Variants in IL1RN observed in about 807,000 individuals in gnomAD.
IL1RN encodes interleukin 1 receptor antagonist, also known as interleukin-1 receptor antagonist protein.
Under a neutral mutation model 13.7 loss-of-function variants are expected in IL1RN, and 10 were observed. The observed-to-expected ratio is 0.73, with a 90% confidence interval of 0.45 to 1.24. The LOEUF is 1.24. Ranked by LOEUF, IL1RN falls within the 50% of genes most tolerant of loss-of-function variation. The probability of loss-of-function intolerance (pLI) is 0.00; values close to 1 mark genes in which losing one functional copy is unlikely to be tolerated. For synonymous variants in IL1RN, 102 were observed against 82.7 expected (o/e 1.23, Z -1.27); for missense variants, 213 against 222.1 (o/e 0.96, Z 0.26).
At chr2:113,103,504 T>A (rs549736410), upstream of IL1RN, among the ~76,000 whole-genome samples, 76 of 152,260 alleles carry the variant, frequency 5.0e-4, no homozygotes, top group African/African-American at 1.8e-3. Context: ...GCAAGGAATG[T>A]GGGTGGCCTC....
At chr2:113,121,057 T>TTCCTCC (rs199592921) in intron 2 of IL1RN, among the ~76,000 whole-genome samples, 1 of 123,542 alleles carries the variant, frequency 8.1e-6, no homozygotes, top group Non-Finnish European at 1.8e-5. Flanking sequence ...CTTCTTCTTC[T>TTCCTCC]TCCTCCTCCT....
At chr2:113,108,249 G>C (rs1686416688), upstream of IL1RN, among the ~76,000 whole-genome samples, 1 of 151,546 alleles carries the variant, frequency 6.6e-6, no homozygotes, top group Non-Finnish European at 1.5e-5. Context: ...TTTTTGGGGG[G>C]GGTTATAAAT....
Position 113,132,987 on chromosome 2 carries a change from G to A in IL1RN, c.*116G>A. 1.0e-6 allele frequency: 1 copy of A among 996,070 alleles called. No homozygotes were observed. Among genetic ancestry groups the A allele is most frequent in the Non-Finnish European group, 1.6e-6 (1 of 631,080 alleles). 61.7% of individuals were successfully genotyped at this position (996,070 alleles called of 1,614,324 possible). On this transcript the variant is annotated 3_prime_UTR_variant, in exon 4 of 4. Transcript: ENST00000409930. ...CACTGAGGACCAGCCATTGAGGGGT[G>A]GACCCTCAGAAGGCGTCACAACAAC...
At chr2:113,109,498 G>T (rs1291217745), upstream of IL1RN, among the ~76,000 whole-genome samples, 3 of 151,700 alleles carry the variant, frequency 2.0e-5, no homozygotes, top group Non-Finnish European at 1.5e-5. Flanking sequence ...AAACTTCCTA[G>T]TTGAAAGACA....
upstream of IL1RN, among the ~76,000 whole-genome samples, chr2:113,126,000 G>C (rs1573298563): frequency 6.6e-6 from 1 of 152,126 alleles, no homozygotes; most frequent in Non-Finnish European, 1.5e-5. Flanking sequence ...GTTTCACCAT[G>C]TTGGTCAGGT....
chr2:113,113,722 G>A (rs1158106730), upstream of IL1RN, among the ~76,000 whole-genome samples: 1 of 152,158 alleles, frequency 6.6e-6, no homozygotes, highest in Non-Finnish European at 1.5e-5. Flanking sequence ...TATTAAATAT[G>A]TACAGCTTTT....
At position 113,133,284 on chromosome 2, in the gene IL1RN, A is replaced by G; in HGVS notation, c.*413A>G. The G allele has an allele frequency of 3.6e-6, 1 of 281,280 alleles. No individual in the cohort carries two copies. The allele number at this position is 281,280 out of a possible 1,614,324, so 17.4% of individuals were successfully genotyped here. On this transcript the variant is annotated 3_prime_UTR_variant, in exon 4 of 4. Transcript: ENST00000409930. ...GGCTCCCACACCCTGTTTTACAAAA[A>G]AGAAAAGACCAGTCCATGAGGGAGG...
At chr2:113,112,433 C>T (rs1268822696) in intron 1 of IL1RN, among the ~76,000 whole-genome samples, 1 of 152,164 alleles carries the variant, frequency 6.6e-6, no homozygotes, top group East Asian at 1.9e-4. Context: ...CAAGCCTCCC[C>T]TGCAGGAAGT....
chr2:113,116,417 C>G (rs1399634519), upstream of IL1RN, among the ~76,000 whole-genome samples: 2 of 151,990 alleles, frequency 1.3e-5, no homozygotes, highest in African/African-American at 4.8e-5. Flanking sequence ...GGCATTACAT[C>G]TTGGTGAGCC....
upstream of IL1RN, among the ~76,000 whole-genome samples, chr2:113,125,012 T>C (rs1206391871): frequency 6.6e-6 from 1 of 152,178 alleles, no homozygotes; most frequent in Non-Finnish European, 1.5e-5. Flanking sequence ...GGCTTTTTAC[T>C]TGAAACGCTG....
At chr2:113,126,907 G>A (rs778542830), upstream of IL1RN, among the ~76,000 whole-genome samples, 1 of 152,178 alleles carries the variant, frequency 6.6e-6, no homozygotes, top group South Asian at 2.1e-4. Flanking sequence ...TAAGATAGTG[G>A]GAAAAGAGTT....
In IL1RN at chr2:113,127,749, A is replaced by T. The variant is rs1206665034; in HGVS notation, c.116+9A>T. The T allele has an allele frequency of 6.2e-7, 1 of 1,612,880 alleles. No homozygotes were observed. The highest frequency in any genetic ancestry group is 1.1e-5 in the South Asian group (1 of 91,070). Reference sequence around the variant, plus strand: ...AAGATGCAAGCCTTCAGGTAAGGCTACCCCAAGGAGGAGAAGGTGAGGGTG... The same window carrying T: ...AAGATGCAAGCCTTCAGGTAAGGCTTCCCCAAGGAGGAGAAGGTGAGGGTG... On this transcript the variant is annotated intron_variant, in intron 1 of 3. Transcript: ENST00000409930.
upstream of IL1RN, among the ~76,000 whole-genome samples, chr2:113,104,184 A>G (rs747567507): frequency 1.1e-4 from 16 of 152,184 alleles, 1 homozygote; most frequent in Non-Finnish European, 1.9e-4. Flanking sequence ...GTAACATGCA[A>G]AGTGAGGCAG....
At position 113,127,627 on chromosome 2, in the gene IL1RN, G is replaced by GGAAATCT; in HGVS notation, c.5_11dup (p.Cys4Ter). The GGAAATCT allele has an allele frequency of 1.9e-6, 3 of 1,613,960 alleles. No homozygotes were observed. The highest frequency in any genetic ancestry group is 2.5e-6 in the Non-Finnish European group (3 of 1,179,958). On this transcript the variant is annotated frameshift_variant, in exon 1 of 4. Coordinates refer to ENST00000409930, the MANE Select transcript of IL1RN (RefSeq NM_173842.3). LOFTEE classifies it high-confidence loss of function. ...CACTGCCTTGCTGCAGTCACAGAATGGAAATCTGCAGAGGCCTCCGCAGTC... is the reference window on the plus strand; with the variant it reads ...CACTGCCTTGCTGCAGTCACAGAATGGAAATCTGAAATCTGCAGAGGCCTCCGCAGTC...
upstream of IL1RN, among the ~76,000 whole-genome samples, chr2:113,110,286 G>A (rs1483370638): frequency 6.6e-6 from 1 of 152,084 alleles, no homozygotes; most frequent in Non-Finnish European, 1.5e-5. Context: ...GTCATTCTGG[G>A]GTTTATGGGA....
chr2:113,113,452 A>G (rs1686535538), upstream of IL1RN, among the ~76,000 whole-genome samples: 1 of 152,196 alleles, frequency 6.6e-6, no homozygotes, highest in Non-Finnish European at 1.5e-5. Context: ...TAAAGGGTAC[A>G]AAGTTTCAGT....
At chr2:113,100,151 T>G in the IL1RN span, among the ~76,000 whole-genome samples, 2 of 150,006 alleles carry the variant, frequency 1.3e-5, no homozygotes, top group Non-Finnish European at 3.0e-5. Context: ...TGAAACCCCG[T>G]CTCTACTAAA....
Position 113,132,784 on chromosome 2 carries a change from G to A in IL1RN, c.447G>A (p.Ala149=), listed in dbSNP as rs111516567. The A allele has an allele frequency of 2.5e-5, 40 of 1,614,246 alleles. 1 individual carries two copies. In the African/African-American group the frequency reaches 2.8e-4, roughly 11 times the overall value. The part of the protein sequence containing the change: ...AACPGWFLCT[A]MEADQPVSLT... ...GCCCCGGTTGGTTCCTCTGCACAGCGATGGAAGCTGACCAGCCCGTCAGCC... is the reference window on the plus strand; with the variant it reads ...GCCCCGGTTGGTTCCTCTGCACAGCAATGGAAGCTGACCAGCCCGTCAGCC... Residue 149 remains alanine (A), a synonymous_variant, in exon 4 of 4, where the codon GCG becomes GCA. Transcript: ENST00000409930.
upstream of IL1RN, among the ~76,000 whole-genome samples, chr2:113,113,970 C>T (rs1194333903): frequency 6.6e-6 from 1 of 152,162 alleles, no homozygotes; most frequent in African/African-American, 2.4e-5. Flanking sequence ...GTATTGACTC[C>T]TCAGTTCCCT....
Sources: gnomAD v4.1 joint callset for allele counts (sites outside exome capture counted in the v4.1 genomes callset) on GRCh38, gnomAD v4.1.1 for gene constraint, MANE v1.5 for transcripts, NCBI Gene and HGNC (gene_info 2026-07-23, HGNC 2026-07-21) for gene names.